Variants in EFCAB13 observed in about 807,000 individuals in gnomAD.
EFCAB13 encodes EF-hand calcium-binding domain-containing protein 13.
EFCAB13 carries 91 observed loss-of-function variants against 110.2 expected under a neutral mutation model. That is an observed-to-expected ratio of 0.83 (90% CI 0.70 to 0.98). The LOEUF is 0.98. Ranked by LOEUF, EFCAB13 falls within the 50% of genes least tolerant of loss-of-function variation. The pLI is 0.00. For missense variants in EFCAB13, 968 were observed against 1,119.4 expected (o/e 0.86, Z 1.93); for synonymous variants, 323 against 369.9 (o/e 0.87, Z 1.45).
At chr17:47,412,982 T>C in intron 22 of EFCAB13, 66 bp downstream of exon 22, 7 of 1,515,942 alleles carry the variant, frequency 4.6e-6, no homozygotes, top group Non-Finnish European at 6.3e-6. Flanking sequence ...AGTCTTAGAG[T>C]GTACCTATAA....
chr17:47,433,256 G>A (rs1905153493), intron 24 of EFCAB13, among the ~76,000 whole-genome samples: 1 of 152,074 alleles, frequency 6.6e-6, no homozygotes, highest in Non-Finnish European at 1.5e-5. Context: ...AAGGTAAAGT[G>A]CCCTTTTTAT....
intron 10 of EFCAB13, 28 bp from the exon 11 acceptor site, chr17:47,370,409 T>A: frequency 7.2e-7 from 1 of 1,396,416 alleles, no homozygotes; most frequent in Non-Finnish European, 1.0e-6. Flanking sequence ...CAAAAGTAAA[T>A]ACAGTATTTG....
At position 47,329,758 on chromosome 17, in the gene EFCAB13, T is replaced by C. The variant is rs548558868; in HGVS notation, c.30+1375T>C. On this transcript the variant is annotated intron_variant, in intron 4 of 24. Transcript: ENST00000331493. The stretch of plus-strand genomic sequence containing the variant: ...CACTTGGCCTTTGGTAACAGGTTTT[T>C]CTGTCTTTTTAGATTTCCTACCCCT... 6 of 152,272 alleles carry C rather than the reference T, an allele frequency of 3.9e-5. No homozygotes were observed. In the East Asian group the frequency reaches 1.2e-3, roughly 29 times the overall value. The allele number at this position is 152,272 out of a possible 1,614,324, so 9.4% of individuals were successfully genotyped here.
chr17:47,377,205 A>G (rs1190259918), intron 12 of EFCAB13, among the ~76,000 whole-genome samples: 1 of 152,080 alleles, frequency 6.6e-6, no homozygotes, highest in African/African-American at 2.4e-5. Context: ...ACACACACTC[A>G]GGCTGGAATG....
At chr17:47,392,267 A>C (rs752177823) in intron 15 of EFCAB13, among the ~76,000 whole-genome samples, 1 of 152,224 alleles carries the variant, frequency 6.6e-6, no homozygotes, top group Non-Finnish European at 1.5e-5. Context: ...GATAAATAAG[A>C]ATGTATCCCA....
chr17:47,332,868 A>G (rs2065327891), intron 4 of EFCAB13, among the ~76,000 whole-genome samples: 1 of 152,224 alleles, frequency 6.6e-6, no homozygotes, highest in South Asian at 2.1e-4. Flanking sequence ...TAATGCTGAA[A>G]TGAATATGGG....
At chr17:47,391,102 G>A (rs982212042) in intron 14 of EFCAB13, among the ~76,000 whole-genome samples, 2 of 152,046 alleles carry the variant, frequency 1.3e-5, no homozygotes, top group African/African-American at 4.8e-5. Flanking sequence ...ACTATGCCCA[G>A]CTAATTTTTT....
Position 47,394,074 on chromosome 17 carries a change from C to T in EFCAB13, c.1776C>T (p.Asn592=), listed in dbSNP as rs1169577309. 7 of 1,540,102 alleles carry T rather than the reference C, an allele frequency of 4.5e-6. No individual in the cohort carries two copies. Among genetic ancestry groups the T allele is most frequent in the Non-Finnish European group, 6.1e-6 (7 of 1,146,796 alleles). The change falls in exon 16 of 25, where the codon AAC becomes AAT. Residue 592 remains asparagine (N), a synonymous_variant. Coordinates refer to ENST00000331493, the MANE Select transcript of EFCAB13 (RefSeq NM_152347.5). ...AATTCATTGATACTATGATGAGCAA[C>T]ACGGAATGCTTCTCTGAAAAATTAG... ...FKEFIDTMMS[N]TECFSEKLVL...
chr17:47,384,079 CTTT>C (rs1440242500), intron 14 of EFCAB13, among the ~76,000 whole-genome samples: 2 of 149,478 alleles, frequency 1.3e-5, no homozygotes, highest in Non-Finnish European at 3.0e-5. Flanking sequence ...TTAATCCCTT[CTTT>C]GTCTTTTTTG....
intron 4 of EFCAB13, among the ~76,000 whole-genome samples, chr17:47,330,287 G>T (rs530840316): frequency 3.3e-3 from 496 of 151,342 alleles, no homozygotes; most frequent in African/African-American, 0.012. Flanking sequence ...TTTATTTTTT[G>T]TAGAGAAAGA....
Position 47,417,823 on chromosome 17 carries a change from A to C in EFCAB13, c.2494+2904A>C, listed in dbSNP as rs374849901. On this transcript the variant is annotated intron_variant, in intron 23 of 24. Coordinates refer to ENST00000331493, the MANE Select transcript of EFCAB13 (RefSeq NM_152347.5). Reference sequence around the variant, plus strand: ...TGTTTGGGGCTTGATGTGGCATCCTACTGAAGCCTTTCATGTTCTCTCTGT... The same window carrying C: ...TGTTTGGGGCTTGATGTGGCATCCTCCTGAAGCCTTTCATGTTCTCTCTGT... Among the ~76,000 whole-genome samples, 7 of 152,194 alleles carry C rather than the reference A, an allele frequency of 4.6e-5. No homozygotes were observed. The East Asian group carries it at 1.2e-3, about 25-fold the overall frequency.
chr17:47,354,362 A>G (rs1156257569), intron 9 of EFCAB13, among the ~76,000 whole-genome samples: 1 of 152,114 alleles, frequency 6.6e-6, no homozygotes, highest in Non-Finnish European at 1.5e-5. Context: ...TATTGGGTAG[A>G]ATGTTCTGTA....
At chr17:47,332,178 C>G (rs1439236670) in intron 4 of EFCAB13, among the ~76,000 whole-genome samples, 2 of 152,066 alleles carry the variant, frequency 1.3e-5, no homozygotes, top group Non-Finnish European at 2.9e-5. Flanking sequence ...ATTTTGCATT[C>G]CCATCAGCAA....
intron 14 of EFCAB13, among the ~76,000 whole-genome samples, chr17:47,386,412 A>G (rs2065676458): frequency 6.6e-6 from 1 of 152,144 alleles, no homozygotes; most frequent in South Asian, 2.1e-4. Context: ...AGCTCCACCC[A>G]GTCCGAACTT....
At chr17:47,401,184 G>T (rs900310831) in intron 17 of EFCAB13, among the ~76,000 whole-genome samples, 3 of 152,210 alleles carry the variant, frequency 2.0e-5, no homozygotes, top group African/African-American at 7.2e-5. Context: ...AGCTAAGGTA[G>T]ATAGAAGGTG....
chr17:47,374,513 A>G lies in EFCAB13; in HGVS notation c.919A>G (p.Arg307Gly), dbSNP rs1222433770. 6.4e-7 allele frequency: 1 copy of G among 1,554,910 alleles called. No homozygotes were observed. Among genetic ancestry groups the G allele is most frequent in the Non-Finnish European group, 8.6e-7 (1 of 1,157,952 alleles). Reference protein sequence around the residue: ...GSPLNEITSDRKLSSVAGCYL... With the variant: ...GSPLNEITSDGKLSSVAGCYL... Reference sequence around the variant, plus strand: ...ACCTTTGAATGAAATTACTTCAGACAGAAAGTTATCAAGTGTAGCAGGATG... The same window carrying G: ...ACCTTTGAATGAAATTACTTCAGACGGAAAGTTATCAAGTGTAGCAGGATG... Residue 307 changes from arginine to glycine, a missense_variant, in exon 12 of 25, where the codon AGA becomes GGA. Arg to Gly is a moderately radical substitution (Grantham distance 125). Transcript: ENST00000331493.
At chr17:47,378,725 A>G (rs1293619469) in intron 13 of EFCAB13, among the ~76,000 whole-genome samples, 1 of 152,164 alleles carries the variant, frequency 6.6e-6, no homozygotes, top group Non-Finnish European at 1.5e-5. Flanking sequence ...CTAGGGAGAT[A>G]GAGATGGGAA....
At chr17:47,358,603 T>C (rs907918469) in intron 9 of EFCAB13, among the ~76,000 whole-genome samples, 4 of 152,244 alleles carry the variant, frequency 2.6e-5, no homozygotes, top group African/African-American at 4.8e-5. Flanking sequence ...TCTTCTAGTC[T>C]GTTGTTTCTC....
chr17:47,325,615 G>A (rs937195552), intron 2 of EFCAB13, among the ~76,000 whole-genome samples: 8 of 151,850 alleles, frequency 5.3e-5, no homozygotes, highest in African/African-American at 1.5e-4. Flanking sequence ...TTCTTGCCTC[G>A]GGGCTTTTGT....
Sources: allele counts gnomAD v4.1 joint callset (sites outside exome capture counted in the v4.1 genomes callset), GRCh38; gene constraint gnomAD v4.1.1; transcripts MANE v1.5; gene names NCBI Gene and HGNC (gene_info 2026-07-23, HGNC 2026-07-21).